TTC39B: variants seen among roughly 807,000 people sequenced by gnomAD.
TTC39B encodes the protein tetratricopeptide repeat protein 39B.
In TTC39B, 92 loss-of-function variants were observed where a neutral mutation model predicts 96.6. The observed-to-expected ratio is 0.95, with a 90% CI of 0.80 to 1.13. TTC39B has a LOEUF of 1.13. Among genes scored for constraint, TTC39B ranks in the 50% most tolerant of loss-of-function variants. The pLI is 0.00. For synonymous variants in TTC39B, 367 were observed against 299.4 expected, an observed-to-expected ratio of 1.23 and a Z score of -2.33; for missense variants, 955 against 809.3, an observed-to-expected ratio of 1.18 and a Z score of -2.18.
chr9:15,183,997 G>A (rs753257087), intron 16 of TTC39B, among the ~76,000 whole-genome samples: 3 of 152,146 alleles, frequency 2.0e-5, no homozygotes, highest in Non-Finnish European at 4.4e-5. Context: ...TCAGGGAGGG[G>A]CTGCATTGTT....
At position 15,306,898 on chromosome 9, in the gene TTC39B, A is replaced by AC. The variant is rs1369800400; in HGVS notation, c.240+185dup. Among the ~76,000 whole-genome samples, 1 of 151,462 alleles carries AC rather than the reference A, an allele frequency of 6.6e-6. No individual in the cohort carries two copies. Among genetic ancestry groups the AC allele is most frequent in the Non-Finnish European group, 1.5e-5 (1 of 67,812 alleles). ...TGCGTCCGCTCCGCGCGCCGCAGGG[A>AC]CCCTCCTAGCTCCAGCGGGGACAGA... On this transcript the variant is annotated intron_variant, in intron 1 of 19. Transcript: ENST00000512701. This position sits in a 1 kb window ranked among gnomAD's most constrained non-coding sequence, Gnocchi z 5.1.
chr9:15,273,766 G>C (rs1823440568), intron 1 of TTC39B, among the ~76,000 whole-genome samples: 1 of 152,124 alleles, frequency 6.6e-6, no homozygotes, highest in South Asian at 2.1e-4. Flanking sequence ...TGGTATCATG[G>C]ACTCAAAGAA....
chr9:15,214,085 A>G, intron 4 of TTC39B, 54 bp downstream of exon 4: 1 of 1,342,222 alleles, frequency 7.5e-7, no homozygotes, highest in South Asian at 1.2e-5. Context: ...GACATCAAAG[A>G]ATCATCAGAA....
At chr9:15,219,623 T>C (rs528532518) in intron 3 of TTC39B, among the ~76,000 whole-genome samples, 16 of 152,182 alleles carry the variant, frequency 1.1e-4, no homozygotes, top group Non-Finnish European at 2.2e-4. Context: ...CTCCGACACC[T>C]CGGACTTCCC....
At chr9:15,172,353 C>A (rs1817708800) in intron 19 of TTC39B, among the ~76,000 whole-genome samples, 1 of 152,030 alleles carries the variant, frequency 6.6e-6, no homozygotes, top group Admixed American at 6.6e-5. Context: ...CAAGGTTCTG[C>A]TTAATTACCA....
exon 20 of TTC39B, chr9:15,167,190 C>A (rs12000414): frequency 0.23 from 29,900 of 130,822 alleles, 3,660 homozygotes; most frequent in Non-Finnish European, 0.27. Context: ...GTGCACTCCA[C>A]CATGCACGGC....
chr9:15,215,369 C>A (rs759637761), intron 3 of TTC39B, among the ~76,000 whole-genome samples: 4 of 151,856 alleles, frequency 2.6e-5, no homozygotes, highest in Non-Finnish European at 5.9e-5. Context: ...ACCACCCTGA[C>A]CAACATGGTG....
At chr9:15,281,107 A>G (rs1823745184) in intron 1 of TTC39B, among the ~76,000 whole-genome samples, 1 of 152,224 alleles carries the variant, frequency 6.6e-6, no homozygotes, top group East Asian at 1.9e-4. Flanking sequence ...CTTTTATGCA[A>G]TAGTTATTTT....
intron 8 of TTC39B, 93 bp downstream of exon 8, chr9:15,199,768 A>AAAAC (rs1819420222): frequency 5.3e-6 from 2 of 376,420 alleles, no homozygotes; most frequent in African/African-American, 2.3e-5. Flanking sequence ...AAAAAAAAAA[A>AAAAC]TCCTAGTCAA....
At chr9:15,264,475 G>A (rs926615614) in intron 2 of TTC39B, among the ~76,000 whole-genome samples, 1 of 152,050 alleles carries the variant, frequency 6.6e-6, no homozygotes, top group African/African-American at 2.4e-5. Flanking sequence ...CCAACATAGT[G>A]AAACCTTGTC....
At chr9:15,201,285 C>T (rs1423606451) in intron 7 of TTC39B, among the ~76,000 whole-genome samples, 2 of 151,506 alleles carry the variant, frequency 1.3e-5, no homozygotes, top group Admixed American at 6.6e-5. Flanking sequence ...AAACATATCT[C>T]ATTTCAGGAT....
intron 2 of TTC39B, among the ~76,000 whole-genome samples, chr9:15,258,518 C>T (rs1822835333): frequency 6.6e-6 from 1 of 152,178 alleles, no homozygotes; most frequent in South Asian, 2.1e-4. Flanking sequence ...TTTCCCATTA[C>T]AACTACCAAA....
chr9:15,201,714 G>A (rs1819549618), intron 7 of TTC39B, among the ~76,000 whole-genome samples: 1 of 152,202 alleles, frequency 6.6e-6, no homozygotes, highest in Non-Finnish European at 1.5e-5. Flanking sequence ...TGCTACTCAA[G>A]TATGCAAACC....
chr9:15,220,047 CAA>C (rs1465188987), intron 3 of TTC39B, among the ~76,000 whole-genome samples: 1 of 152,122 alleles, frequency 6.6e-6, no homozygotes, highest in Non-Finnish European at 1.5e-5. Context: ...CAACTTAGGC[CAA>C]AAAGGAACCT....
chr9:15,288,006 C>A (rs1199024432), intron 1 of TTC39B, among the ~76,000 whole-genome samples: 1 of 150,910 alleles, frequency 6.6e-6, no homozygotes, highest in Non-Finnish European at 1.5e-5. Flanking sequence ...AGTACCTTTC[C>A]TTTGTAAATT....
At chr9:15,235,743 A>G (rs1330002664) in intron 2 of TTC39B, among the ~76,000 whole-genome samples, 1 of 152,168 alleles carries the variant, frequency 6.6e-6, no homozygotes, top group Non-Finnish European at 1.5e-5. Flanking sequence ...GAAATAAAAT[A>G]TTTTCTAGAC....
intron 1 of TTC39B, among the ~76,000 whole-genome samples, chr9:15,302,541 A>AG (rs1824631249): frequency 7.2e-6 from 1 of 139,670 alleles, no homozygotes; most frequent in South Asian, 2.3e-4. Context: ...TTCCGTCTCA[A>AG]AAAAAAAAAA....
rs181067791 is a variant in TTC39B, at chr9:15,171,949, T to G, written c.*70A>C. 1.2e-5 allele frequency: 15 copies of G among 1,202,056 alleles called. No homozygotes were observed. In the East Asian group the frequency reaches 3.7e-4, roughly 29 times the overall value. The allele number at this position is 1,202,056 out of a possible 1,614,324, so 74.5% of individuals were successfully genotyped here. A position where few individuals can be genotyped will look rare whatever the true frequency, so the allele number is the denominator to read the frequency against. ...TTATTCACAAGATCATTTTTCCACT[T>G]TAATATAAGGTTGAATCTATAGCAG... On this transcript the variant is annotated 3_prime_UTR_variant, in exon 20 of 20. Coordinates refer to ENST00000512701, the Ensembl canonical transcript of TTC39B.
At chr9:15,285,883 T>C (rs1257843390) in intron 1 of TTC39B, among the ~76,000 whole-genome samples, 1 of 152,144 alleles carries the variant, frequency 6.6e-6, no homozygotes, top group African/African-American at 2.4e-5. Context: ...AAAGGACACC[T>C]GTGTGCCATT....
Sources: allele counts gnomAD v4.1 joint callset (sites outside exome capture counted in the v4.1 genomes callset), GRCh38; gene constraint gnomAD v4.1.1; non-coding constraint Gnocchi (gnomAD v3.1); transcripts MANE v1.5; gene names NCBI Gene and HGNC (gene_info 2026-07-23, HGNC 2026-07-21).